The following ABCB11 variants were observed in gnomAD, a reference collection of about 807,000 sequenced individuals.
ABCB11 encodes the protein bile salt export pump.
ABCB11 carries 95 observed loss-of-function variants against 148.0 expected under a neutral mutation model. That is an observed-to-expected ratio of 0.64 (90% confidence interval 0.54 to 0.76). The LOEUF (loss-of-function observed/expected upper bound fraction) is 0.76. Ranked by LOEUF, ABCB11 falls within the 30% of genes least tolerant of loss-of-function variation. ABCB11 has a pLI of 0.00. For missense variants in ABCB11, 1,523 were observed against 1,617.8 expected (o/e 0.94, Z 1.01); for synonymous variants, 591 against 555.4 (o/e 1.06, Z -0.90).
At position 168,923,513 on chromosome 2, in the gene ABCB11, C is replaced by A; in HGVS notation, c.*109G>T. Reference sequence around the variant, plus strand: ...GTAAAAGTAAAATATTAACATTCTTCTTTAAAGAAAAAACAATCCCAGCAA... The same window carrying A: ...GTAAAAGTAAAATATTAACATTCTTATTTAAAGAAAAAACAATCCCAGCAA... On this transcript the variant is annotated 3_prime_UTR_variant, in exon 28 of 28. Coordinates refer to ENST00000650372, the MANE Select transcript of ABCB11 (RefSeq NM_003742.4). 1.0e-6 allele frequency: 1 copy of A among 989,628 alleles called. No individual in the cohort carries two copies. Among genetic ancestry groups the A allele is most frequent in the Non-Finnish European group, 1.5e-6 (1 of 664,378 alleles). The allele number at this position is 989,628 out of a possible 1,614,324, so 61.3% of individuals were successfully genotyped here.
At chr2:168,985,635 A>G (rs914510938) in intron 10 of ABCB11, among the ~76,000 whole-genome samples, 1 of 152,152 alleles carries the variant, frequency 6.6e-6, no homozygotes, top group Non-Finnish European at 1.5e-5. Context: ...AATTAATGGC[A>G]TTCACAGCAA....
downstream of ABCB11, among the ~76,000 whole-genome samples, chr2:168,919,645 C>T (rs1353917454): frequency 6.6e-6 from 1 of 151,850 alleles, no homozygotes; most frequent in Non-Finnish European, 1.5e-5. Flanking sequence ...AAAAAGCCCC[C>T]TTTTGTGGCT....
chr2:168,992,136 G>A (rs562675793), intron 8 of ABCB11, among the ~76,000 whole-genome samples: 6 of 151,406 alleles, frequency 4.0e-5, no homozygotes, highest in Admixed American at 2.0e-4. Context: ...TTGTTGTATA[G>A]TTGCTTGTAG....
In ABCB11 at chr2:168,921,395, G is replaced by C. The variant is rs558867027; in HGVS notation, c.*2227C>G. 6.6e-6 allele frequency among the ~76,000 whole-genome samples: 1 copy of C among 152,304 alleles called. No homozygotes were observed. Among genetic ancestry groups the C allele is most frequent in the South Asian group, 2.1e-4 (1 of 4,830 alleles). On this transcript the variant is annotated 3_prime_UTR_variant, in exon 28 of 28. Transcript: ENST00000650372. ...GTAGAGTGAGCTTGGGAGGAAGCTG[G>C]AGTAGGGAGAAAACATGATGGCAGG...
In ABCB11 at chr2:168,960,576, A is replaced by T. The variant is rs78398721; in HGVS notation, c.2179-2448T>A. On this transcript the variant is annotated intron_variant, in intron 18 of 27. Coordinates refer to ENST00000650372, the MANE Select transcript of ABCB11 (RefSeq NM_003742.4). Reference sequence around the variant, plus strand: ...ATTCTTGTCTAGTGGTTTTCATTCCAAGAGACACTAACAAGAAATACGAAT... The same window carrying T: ...ATTCTTGTCTAGTGGTTTTCATTCCTAGAGACACTAACAAGAAATACGAAT... Among the ~76,000 whole-genome samples the T allele has an allele frequency of 1.7e-3, 255 of 151,802 alleles. 1 individual carries two copies. Among genetic ancestry groups the T allele is most frequent in the African/African-American group, 5.8e-3 (240 of 41,490 alleles).
rs752974260 is a variant in ABCB11 at position 168,930,669 on chromosome 2, T to C, written c.3407A>G (p.Lys1136Arg). Residue 1136 changes from lysine (K) to arginine (R), a missense_variant, in exon 25 of 28, where the codon AAG becomes AGG. Transcript: ENST00000650372. ...LERFYDPDQGKVMIDGHDSKK... is the reference protein window; with the variant it reads ...LERFYDPDQGRVMIDGHDSKK... The stretch of plus-strand genomic sequence containing the variant: ...CAAAAAGGTTGCGTGGCTTACCACC[T>C]TCCCTTGATCAGGATCATAGAAACG... The C allele has an allele frequency of 2.2e-5, 34 of 1,531,202 alleles. No individual in the cohort carries two copies. The South Asian group carries it at 4.0e-4, about 18-fold the overall frequency. The allele number at this position is 1,531,202 out of a possible 1,614,324, so 94.9% of individuals were successfully genotyped here.
Position 168,923,725 on chromosome 2 carries a change from A to T in ABCB11, c.3863T>A (p.Val1288Asp). The T allele has an allele frequency of 6.2e-7, 1 of 1,613,806 alleles. No individual in the cohort carries two copies. The highest frequency in any genetic ancestry group is 8.5e-7 in the Non-Finnish European group (1 of 1,179,864). Residue 1288 changes from valine (V) to aspartate (D), a missense_variant, in exon 28 of 28, where the codon GTC (valine) becomes GAC (aspartate). Physicochemically the swap from Val to Asp is radical, Grantham distance 152 (BLOSUM62 -3). Coordinates refer to ENST00000650372, the MANE Select transcript of ABCB11 (RefSeq NM_003742.4). ...STIQNADIIA[V>D]MAQGVVIEKG... ...TTCAATCACCACCCCCTGTGCCATGACAGCAATGATATCCGCGTTCTGGAT... is the reference window on the plus strand; with the variant it reads ...TTCAATCACCACCCCCTGTGCCATGTCAGCAATGATATCCGCGTTCTGGAT...
chr2:169,019,577 G>T (rs990420391), intron 1 of ABCB11, among the ~76,000 whole-genome samples: 1 of 152,132 alleles, frequency 6.6e-6, no homozygotes, highest in Non-Finnish European at 1.5e-5. Flanking sequence ...CACTGGTTTT[G>T]CATCCTGAGA....
At chr2:168,965,449 G>A (rs912857789) in intron 17 of ABCB11, among the ~76,000 whole-genome samples, 4 of 145,432 alleles carry the variant, frequency 2.8e-5, no homozygotes, top group Non-Finnish European at 4.4e-5. Context: ...AAATAGTAGA[G>A]CTGAGAAAGG....
intron 26 of ABCB11, among the ~76,000 whole-genome samples, chr2:168,925,450 G>A (rs1205919637): frequency 6.6e-6 from 1 of 152,210 alleles, no homozygotes; most frequent in Non-Finnish European, 1.5e-5. Flanking sequence ...TTCATAGAGT[G>A]TTTACCATAG....
At chr2:169,004,180 G>A (rs56706166) in intron 5 of ABCB11, among the ~76,000 whole-genome samples, 9,338 of 151,964 alleles carry the variant, frequency 0.061, 319 homozygotes, top group African/African-American at 0.062. Context: ...TGATCTTCTC[G>A]TATTTGGATG....
At chr2:168,941,505 T>C (rs79609490) in intron 21 of ABCB11, among the ~76,000 whole-genome samples, 4,856 of 152,122 alleles carry the variant, frequency 0.032, 249 homozygotes, top group African/African-American at 0.11. Flanking sequence ...ATGTGCTGCA[T>C]TAAATTGCTG....
chr2:168,997,523 T>TG (rs1694753425), intron 5 of ABCB11, among the ~76,000 whole-genome samples: 1 of 152,100 alleles, frequency 6.6e-6, no homozygotes, highest in African/African-American at 2.4e-5. Context: ...ATTGCTTTTA[T>TG]GAATGAAGGC....
chr2:168,936,568 T>A, intron 21 of ABCB11, 135 bp from the exon 22 acceptor site: 1 of 788,470 alleles, frequency 1.3e-6, no homozygotes, highest in Non-Finnish European at 2.0e-6. Flanking sequence ...TAACCATTCT[T>A]AAGTGTACAA....
rs1009564807 is a variant in ABCB11, at chr2:168,977,773, G to A, written c.1198-1086C>T. On this transcript the variant is annotated intron_variant, in intron 11 of 27. Transcript: ENST00000650372. ...GTCTTACATGGTGGCAGGAGAGAGC[G>A]CATAGGGGAAACTGCCACTTTAAAA... 7.2e-5 allele frequency among the ~76,000 whole-genome samples: 11 copies of A among 152,146 alleles called. No homozygotes were observed. In the East Asian group the frequency reaches 1.3e-3, roughly 19 times the overall value.
At chr2:168,985,957 T>G (rs1694303463) in intron 10 of ABCB11, among the ~76,000 whole-genome samples, 153 bp downstream of exon 10, 1 of 151,994 alleles carries the variant, frequency 6.6e-6, no homozygotes, top group South Asian at 2.1e-4. Flanking sequence ...AAAAAAAAAT[T>G]TAAGGTATTA....
chr2:168,962,199 A>G (rs1693109545), intron 18 of ABCB11, among the ~76,000 whole-genome samples: 1 of 151,664 alleles, frequency 6.6e-6, no homozygotes, highest in Admixed American at 6.6e-5. Flanking sequence ...TGGCTCTCCT[A>G]TCATTTTTTC....
rs552917193 is a variant in ABCB11 at position 169,029,819 on chromosome 2, C to A, written c.-28+1406G>T. 1.3e-3 allele frequency among the ~76,000 whole-genome samples: 161 copies of A among 119,444 alleles called. 9 individuals are homozygous for A. The highest frequency in any genetic ancestry group is 2.4e-3 in the Non-Finnish European group (136 of 57,006). 78.4% of individuals were successfully genotyped at this position (119,444 alleles called of 152,430 possible). Reference sequence around the variant, plus strand: ...GCAGTGGCGCAATCTCGGCTCACTGCAAGCTCCGCTTCCCGGGTTCACGCC... The same window carrying A: ...GCAGTGGCGCAATCTCGGCTCACTGAAAGCTCCGCTTCCCGGGTTCACGCC... On this transcript the variant is annotated intron_variant, in intron 1 of 27. Transcript: ENST00000650372.
chr2:168,931,631 A>G (rs1691572270), intron 24 of ABCB11, among the ~76,000 whole-genome samples: 1 of 152,248 alleles, frequency 6.6e-6, no homozygotes, highest in African/African-American at 2.4e-5. Flanking sequence ...AATCAATGTT[A>G]TTGGACAGGA....
Sources: gnomAD v4.1 joint callset for allele counts (sites outside exome capture counted in the v4.1 genomes callset) on GRCh38, gnomAD v4.1.1 for gene constraint, MANE v1.5 for transcripts, NCBI Gene and HGNC (gene_info 2026-07-23, HGNC 2026-07-21) for gene names.